The following ODAD2 variants were observed in gnomAD, a reference collection of about 807,000 sequenced individuals.
ODAD2 encodes the protein outer dynein arm docking complex subunit 2.
ODAD2 carries 89 observed loss-of-function variants against 106.8 expected under a neutral mutation model. The observed-to-expected ratio is 0.83, with a 90% CI of 0.70 to 0.99. The LOEUF is 0.99. Among genes scored for constraint, ODAD2 ranks in the 50% least tolerant of loss-of-function variants. ODAD2 has a pLI of 0.00. For missense variants in ODAD2, 1,168 were observed against 1,238.5 expected (o/e 0.94, Z 0.85); for synonymous variants, 404 against 436.2 (o/e 0.93, Z 0.92).
chr10:27,912,868 TA>T (rs1170546828), intron 16 of ODAD2, among the ~76,000 whole-genome samples: 1 of 152,144 alleles, frequency 6.6e-6, no homozygotes, highest in Non-Finnish European at 1.5e-5. Context: ...AAAAACAGAT[TA>T]GAAGAGAATT....
intron 7 of ODAD2, among the ~76,000 whole-genome samples, chr10:27,976,952 A>G (rs1355617884): frequency 6.6e-6 from 1 of 152,186 alleles, no homozygotes; most frequent in African/African-American, 2.4e-5. Flanking sequence ...ATGAACGACT[A>G]ATTTTTGACA....
chr10:27,880,984 T>C (rs182899583), intron 17 of ODAD2, among the ~76,000 whole-genome samples: 3 of 152,208 alleles, frequency 2.0e-5, no homozygotes, highest in African/African-American at 7.2e-5. Flanking sequence ...AGTCCCATAG[T>C]GAAAAAATTG....
intron 17 of ODAD2, among the ~76,000 whole-genome samples, chr10:27,876,588 T>C (rs1300491144): frequency 2.0e-5 from 3 of 152,218 alleles, no homozygotes; most frequent in Admixed American, 2.0e-4. Flanking sequence ...CTAACTCAAC[T>C]TTTAATAGCA....
intron 15 of ODAD2, 151 bp downstream of exon 15, chr10:27,936,575 T>G: frequency 2.2e-6 from 2 of 918,676 alleles, no homozygotes; most frequent in Non-Finnish European, 3.3e-6. Context: ...TTCTTTTCTA[T>G]TCTAAGAATC....
intron 19 of ODAD2, among the ~76,000 whole-genome samples, chr10:27,856,701 CAA>C (rs1564432831): frequency 6.6e-6 from 1 of 152,058 alleles, no homozygotes; most frequent in Non-Finnish European, 1.5e-5. Flanking sequence ...AGAAAACACA[CAA>C]GAGATTTTGA....
intron 16 of ODAD2, among the ~76,000 whole-genome samples, chr10:27,924,988 G>GA (rs34887332): frequency 0.49 from 62,009 of 127,752 alleles, 14,738 homozygotes; most frequent in Middle Eastern, 0.61. Context: ...TATTTAAAAT[G>GA]AAAAAAAAAA....
chr10:27,860,625 C>G lies in ODAD2; in HGVS notation c.3021G>C (p.Lys1007Asn). The G allele has an allele frequency of 6.2e-7, 1 of 1,613,586 alleles. No homozygotes were observed. The highest frequency in any genetic ancestry group is 8.5e-7 in the Non-Finnish European group (1 of 1,179,782). The part of the protein sequence containing the change: ...CITMHENGAV[K>N]LLLDMVGSPD... Reference sequence around the variant, plus strand: ...AAACCACAAAGTCATTCAACTGTACCTTTACTGCACCATTCTCATGCATGG... The same window carrying G: ...AAACCACAAAGTCATTCAACTGTACGTTTACTGCACCATTCTCATGCATGG... The change falls in exon 19 of 20, where the codon AAG becomes AAC. Residue 1007 changes from lysine (K) to asparagine (N), a missense_variant and splice_region_variant. This residue lies in a region of ODAD2 where 701 missense variants were observed against 712.3 expected (regional missense o/e 0.98). Coordinates refer to ENST00000305242, the MANE Select transcript of ODAD2 (RefSeq NM_018076.5).
intron 19 of ODAD2, among the ~76,000 whole-genome samples, chr10:27,859,605 T>C (rs989205447): frequency 1.3e-5 from 2 of 152,162 alleles, no homozygotes; most frequent in African/African-American, 2.4e-5. Context: ...ATGCATCTGG[T>C]TGTCATAGGC....
chr10:27,858,486 C>T (rs1839813222), intron 19 of ODAD2, among the ~76,000 whole-genome samples: 1 of 152,104 alleles, frequency 6.6e-6, no homozygotes, highest in Non-Finnish European at 1.5e-5. Flanking sequence ...AGAGAAAGGC[C>T]CCCAAGAAAC....
intron 17 of ODAD2, among the ~76,000 whole-genome samples, chr10:27,887,852 A>C (rs993804331): frequency 6.6e-6 from 1 of 152,066 alleles, no homozygotes; most frequent in Non-Finnish European, 1.5e-5. Context: ...AAAAAGTGGG[A>C]AGACCCAAAT....
intron 16 of ODAD2, among the ~76,000 whole-genome samples, chr10:27,915,437 G>A (rs967783254): frequency 9.9e-5 from 15 of 152,138 alleles, no homozygotes; most frequent in Non-Finnish European, 1.8e-4. Context: ...GGAGCTCTCC[G>A]GGGACTCTTT....
rs1423563366 is a variant in ODAD2, at chr10:27,917,751, T to C, written c.2496-9974A>G. On this transcript the variant is annotated intron_variant, in intron 16 of 19. Coordinates refer to ENST00000305242, the MANE Select transcript of ODAD2 (RefSeq NM_018076.5). Reference sequence around the variant, plus strand: ...TTGTTTGAAAAACCAATTGAAAATATAAAGATAATTAGCTCACAGATTATT... The same window carrying C: ...TTGTTTGAAAAACCAATTGAAAATACAAAGATAATTAGCTCACAGATTATT... Among the ~76,000 whole-genome samples the C allele has an allele frequency of 3.3e-5, 5 of 152,058 alleles. No homozygotes were observed. In the East Asian group the frequency reaches 7.7e-4, roughly 23 times the overall value.
chr10:27,874,550 G>A (rs1192702904), intron 17 of ODAD2, among the ~76,000 whole-genome samples: 1 of 152,134 alleles, frequency 6.6e-6, no homozygotes, highest in Non-Finnish European at 1.5e-5. Flanking sequence ...GGCAGGCCTG[G>A]TGGTGACAAA....
chr10:27,867,357 G>A lies in ODAD2; in HGVS notation c.2611-4735C>T, dbSNP rs571489157. On this transcript the variant is annotated intron_variant, in intron 17 of 19. Coordinates refer to ENST00000305242, the MANE Select transcript of ODAD2 (RefSeq NM_018076.5). ...CCACAAAGTCTGATGGTGCTGGGGT[G>A]TTCTGTTAGGCCTGAGTTCCATGAA... Among the ~76,000 whole-genome samples, 12 of 152,300 alleles carry A rather than the reference G, an allele frequency of 7.9e-5. No homozygotes were observed. The South Asian group carries it at 1.0e-3, about 13-fold the overall frequency.
chr10:27,864,670 C>T (rs1168758186), intron 17 of ODAD2, among the ~76,000 whole-genome samples: 7 of 151,462 alleles, frequency 4.6e-5, no homozygotes, highest in Non-Finnish European at 1.0e-4. Context: ...TCTGGTGTCC[C>T]AGGTGTGGGC....
chr10:27,846,340 A>G (rs1282044721), intron 19 of ODAD2, among the ~76,000 whole-genome samples: 437 of 152,398 alleles, frequency 2.9e-3, no homozygotes, highest in African/African-American at 9.8e-3. Flanking sequence ...ACATAATGAA[A>G]TGAAGGCAGA....
chr10:27,902,022 C>T (rs1843242559), intron 17 of ODAD2, among the ~76,000 whole-genome samples: 1 of 152,162 alleles, frequency 6.6e-6, no homozygotes, highest in Non-Finnish European at 1.5e-5. Flanking sequence ...AGCACCACAT[C>T]ACACTTATTC....
intron 9 of ODAD2, among the ~76,000 whole-genome samples, chr10:27,962,345 C>T (rs1043216736): frequency 5.3e-5 from 8 of 152,228 alleles, no homozygotes; most frequent in African/African-American, 1.7e-4. Context: ...ATTTCAAGTG[C>T]TCAATGGCCC....
chr10:27,863,555 G>A (rs534323007), intron 17 of ODAD2, among the ~76,000 whole-genome samples: 4 of 152,290 alleles, frequency 2.6e-5, no homozygotes, highest in East Asian at 1.9e-4. Context: ...AATGTGGATC[G>A]ACTTTATATA....
Sources: gnomAD v4.1 joint callset for allele counts (sites outside exome capture counted in the v4.1 genomes callset) on GRCh38, gnomAD v4.1.1 for gene constraint, gnomAD v4.1.1 regional missense constraint, MANE v1.5 for transcripts, NCBI Gene and HGNC (gene_info 2026-07-23, HGNC 2026-07-21) for gene names.